Variants in POLQ observed in about 807,000 individuals in gnomAD.
POLQ encodes the protein epididymis secretory sperm binding protein.
In POLQ, 233 loss-of-function variants were observed where a neutral mutation model predicts 259.2. The ratio of observed to expected loss-of-function variants is 0.90; its 90% CI spans 0.81 to 1.00. POLQ has a LOEUF of 1.00. POLQ is among the 50% of genes least tolerant of loss of function. POLQ has a pLI of 0.00. For synonymous variants in POLQ, 1,025 were observed against 1,048.8 expected (o/e 0.98, Z 0.44); for missense variants, 2,871 against 3,051.6 (o/e 0.94, Z 1.39).
rs1158984277 is a variant in POLQ at position 121,539,004 on chromosome 3, G to A, written c.631+429C>T. Among the ~76,000 whole-genome samples, 4 of 152,070 alleles carry A rather than the reference G, an allele frequency of 2.6e-5. No individual in the cohort carries two copies. In the East Asian group the frequency reaches 5.8e-4, roughly 22 times the overall value. ...CTCAAATAGAGTGTCAGTTTCTTTA[G>A]CTTCCTACCATTTCCATGCTAAATG... On this transcript the variant is annotated intron_variant, in intron 4 of 29. Transcript: ENST00000264233.
intron 25 of POLQ, among the ~76,000 whole-genome samples, chr3:121,453,384 G>A (rs1334816253): frequency 6.6e-6 from 1 of 152,218 alleles, no homozygotes; most frequent in Non-Finnish European, 1.5e-5. Context: ...AACAAAGCTG[G>A]ATGGAGAATG....
chr3:121,523,805 A>G (rs1161184390), intron 7 of POLQ, among the ~76,000 whole-genome samples: 3 of 152,232 alleles, frequency 2.0e-5, no homozygotes, highest in African/African-American at 7.2e-5. Flanking sequence ...AAAAATATGT[A>G]TATTTAAATA....
At chr3:121,542,990 A>C (rs1014254964) in intron 2 of POLQ, among the ~76,000 whole-genome samples, 1 of 152,122 alleles carries the variant, frequency 6.6e-6, no homozygotes, top group Admixed American at 6.5e-5. Flanking sequence ...TCCATCAAAA[A>C]AAAAAGACCA....
intron 25 of POLQ, among the ~76,000 whole-genome samples, chr3:121,450,045 C>T (rs183703058): frequency 4.0e-4 from 61 of 152,184 alleles, no homozygotes; most frequent in African/African-American, 1.4e-3. Context: ...CAAGGACGGC[C>T]GGGGTTCAAA....
chr3:121,498,695 T>A, intron 12 of POLQ, 25 bp from the exon 13 acceptor site: 1 of 1,476,958 alleles, frequency 6.8e-7, no homozygotes, highest in Non-Finnish European at 9.4e-7. Flanking sequence ...TATTATTCAT[T>A]AACTAAAACT....
At chr3:121,455,793 T>G (rs2047730742) in intron 25 of POLQ, among the ~76,000 whole-genome samples, 1 of 152,166 alleles carries the variant, frequency 6.6e-6, no homozygotes, top group Admixed American at 6.5e-5. Context: ...ACAGCCAAAT[T>G]CTACCAGAGT....
Position 121,487,584 on chromosome 3 carries a change from G to A in POLQ, c.5347C>T (p.His1783Tyr). Residue 1783 changes from histidine (H) to tyrosine (Y), a missense_variant, in exon 16 of 30, where the codon CAC (histidine) becomes TAC (tyrosine). His to Tyr is a moderately conservative substitution (Grantham distance 83, BLOSUM62 2). Transcript: ENST00000264233. ...TTTCTACTCCCTGGACTTAAATCGT[G>A]GTTTTTAATATCTGAAGGTGAGCCA... ...LFGSPSDIKN[H>Y]DLSPGSRNGF... 2 of 1,613,982 alleles carry A rather than the reference G, an allele frequency of 1.2e-6. No homozygotes were observed. Among genetic ancestry groups the A allele is most frequent in the Non-Finnish European group, 1.7e-6 (2 of 1,179,958 alleles).
chr3:121,479,270 G>T (rs2047951958), intron 19 of POLQ, among the ~76,000 whole-genome samples: 1 of 151,664 alleles, frequency 6.6e-6, no homozygotes, highest in Non-Finnish European at 1.5e-5. Flanking sequence ...CCAGCACTTT[G>T]GGAGGCAAAG....
In POLQ at chr3:121,481,569, T is replaced by C. The variant is rs2047970186; in HGVS notation, c.6211+3A>G. The C allele has an allele frequency of 1.3e-6, 2 of 1,580,628 alleles. No individual in the cohort carries two copies. ...ATAAAAATGCCAGAAACTTGGTTTT[T>C]ACCTTGAAGGTTTTCCTTCTGCAAC... On this transcript the variant is annotated splice_donor_region_variant and intron_variant, in intron 19 of 29. Transcript: ENST00000264233.
chr3:121,436,305 C>CA, intron 27 of POLQ, 30 bp from the exon 28 acceptor site: 1 of 1,608,864 alleles, frequency 6.2e-7, no homozygotes, highest in Non-Finnish European at 8.5e-7. Flanking sequence ...GGTGCTCCAC[C>CA]AGATATGCCA....
chr3:121,503,421 G>A (rs532628060), intron 12 of POLQ, among the ~76,000 whole-genome samples: 1 of 152,150 alleles, frequency 6.6e-6, no homozygotes, highest in South Asian at 2.1e-4. Context: ...TCAAAAAAGA[G>A]CAGTAAAAGA....
chr3:121,538,071 G>A (rs1030522450), intron 4 of POLQ, among the ~76,000 whole-genome samples: 6 of 152,052 alleles, frequency 3.9e-5, no homozygotes, highest in African/African-American at 7.2e-5. Context: ...CAACTTCACC[G>A]AAATAAACAT....
In POLQ at chr3:121,489,209, T is replaced by G; in HGVS notation, c.3722A>C (p.Lys1241Thr). 1 of 1,612,716 alleles carries G rather than the reference T, an allele frequency of 6.2e-7. No individual in the cohort carries two copies. Among genetic ancestry groups the G allele is most frequent in the Non-Finnish European group, 8.5e-7 (1 of 1,179,540 alleles). Reference sequence around the variant, plus strand: ...TGGTTTATTTTCCTCTGTATTAAGCTTTATCCTTTCACAATTGATAGTAAC... The same window carrying G: ...TGGTTTATTTTCCTCTGTATTAAGCGTTATCCTTTCACAATTGATAGTAAC... ...SNVTINCERI[K>T]LNTEENKPSH... Residue 1241 changes from lysine to threonine, a missense_variant, in exon 16 of 30, where the codon AAG (lysine) becomes ACG (threonine). Coordinates refer to ENST00000264233, the MANE Select transcript of POLQ (RefSeq NM_199420.4).
Position 121,544,558 on chromosome 3 carries a change from T to C in POLQ, c.343+169A>G, listed in dbSNP as rs72971930. On this transcript the variant is annotated intron_variant, in intron 2 of 29. Coordinates refer to ENST00000264233, the MANE Select transcript of POLQ (RefSeq NM_199420.4). ...CCACCCCAGTCAAACAATAAAACTT[T>C]TGTAATTTAAATATAAATAAAACTC... Among the ~76,000 whole-genome samples the C allele has an allele frequency of 3.3e-3, 501 of 151,834 alleles. 5 individuals are homozygous for C. Among genetic ancestry groups the C allele is most frequent in the African/African-American group, 0.011 (477 of 41,522 alleles).
At chr3:121,435,277 G>T (rs1402618423) in intron 28 of POLQ, among the ~76,000 whole-genome samples, 2 of 152,170 alleles carry the variant, frequency 1.3e-5, no homozygotes, top group Non-Finnish European at 2.9e-5. Flanking sequence ...CACTGTACTT[G>T]TTAGTACAAG....
At chr3:121,526,479 C>T (rs1298420239) in intron 7 of POLQ, among the ~76,000 whole-genome samples, 2 of 152,136 alleles carry the variant, frequency 1.3e-5, no homozygotes, top group Non-Finnish European at 2.9e-5. Flanking sequence ...CTCTTTCTTA[C>T]TAATAAATGG....
intron 25 of POLQ, among the ~76,000 whole-genome samples, chr3:121,455,657 A>G (rs1483349262): frequency 1.3e-5 from 2 of 152,210 alleles, no homozygotes; most frequent in Non-Finnish European, 2.9e-5. Flanking sequence ...ATTCCACGAC[A>G]CACACACGCT....
At chr3:121,433,607 G>A (rs373501103) in intron 28 of POLQ, among the ~76,000 whole-genome samples, 21 of 152,300 alleles carry the variant, frequency 1.4e-4, no homozygotes, top group African/African-American at 5.1e-4. Flanking sequence ...AAGAGTCTAT[G>A]TCTGTACGTT....
chr3:121,472,412 G>T (rs1044515666), intron 21 of POLQ, among the ~76,000 whole-genome samples: 2 of 152,062 alleles, frequency 1.3e-5, no homozygotes, highest in Admixed American at 1.3e-4. Flanking sequence ...TAAATGAATT[G>T]TCAGTTTAAC....
Sources: gnomAD v4.1 joint callset for allele counts (sites outside exome capture counted in the v4.1 genomes callset) on GRCh38, gnomAD v4.1.1 for gene constraint, MANE v1.5 for transcripts, NCBI Gene and HGNC (gene_info 2026-07-23, HGNC 2026-07-21) for gene names.